CA10: variants seen among roughly 807,000 people sequenced by gnomAD.
The protein encoded by CA10 is carbonic anhydrase-related protein 10.
A neutral mutation model predicts 44.2 loss-of-function variants in CA10; 14 were observed. The observed-to-expected ratio is 0.32, with a 90% confidence interval of 0.21 to 0.50. The LOEUF (loss-of-function observed/expected upper bound fraction) is 0.50, where lower values mean the gene tolerates loss of function less well. CA10 is among the 20% of genes least tolerant of loss of function. The pLI, the probability that CA10 is intolerant of heterozygous loss-of-function variation, is 0.99. For missense variants in CA10, 350 were observed against 409.7 expected (o/e 0.85, Z 1.26); for synonymous variants, 159 against 141.6 (o/e 1.12, Z -0.87).
chr17:51,983,804 G>T (rs1269017789), intron 2 of CA10, among the ~76,000 whole-genome samples: 1 of 151,720 alleles, frequency 6.6e-6, no homozygotes, highest in East Asian at 1.9e-4. Flanking sequence ...ACACTGTCAT[G>T]ATTGGAGATA....
At chr17:51,641,161 TC>T (rs1442848279) in intron 6 of CA10, among the ~76,000 whole-genome samples, 13 of 22,922 alleles carry the variant, frequency 5.7e-4, no homozygotes, top group East Asian at 1.9e-3. Context: ...GCTCTCTCTC[TC>T]TCTCCTCTCT....
At chr17:51,898,243 A>G (rs543741545) in intron 3 of CA10, among the ~76,000 whole-genome samples, 2 of 151,698 alleles carry the variant, frequency 1.3e-5, no homozygotes, top group South Asian at 2.1e-4. Context: ...ATGTTTTCAC[A>G]GTGTCTGGTT....
At chr17:51,892,947 A>G (rs1204099679) in intron 3 of CA10, among the ~76,000 whole-genome samples, 1 of 152,192 alleles carries the variant, frequency 6.6e-6, no homozygotes, top group African/African-American at 2.4e-5. Context: ...AACTACTTGT[A>G]TTAGACACTA....
At chr17:51,818,962 A>G (rs768194174) in intron 3 of CA10, among the ~76,000 whole-genome samples, 2 of 152,212 alleles carry the variant, frequency 1.3e-5, no homozygotes, top group Non-Finnish European at 2.9e-5. Context: ...GCTGCCCAAC[A>G]TAAGGCTCCC....
intron 3 of CA10, among the ~76,000 whole-genome samples, chr17:51,766,560 T>TA (rs1905391175): frequency 6.6e-6 from 1 of 152,170 alleles, no homozygotes. Flanking sequence ...GTGGTTTCCT[T>TA]AGCTGACATT....
At chr17:52,073,274 G>C (rs1251201917) in intron 1 of CA10, among the ~76,000 whole-genome samples, 1 of 151,852 alleles carries the variant, frequency 6.6e-6, no homozygotes, top group African/African-American at 2.4e-5. Context: ...AAAGTTCTAG[G>C]GAAAAGACTC....
intron 3 of CA10, among the ~76,000 whole-genome samples, chr17:51,893,521 A>G (rs558636645): frequency 2.3e-4 from 35 of 152,296 alleles, no homozygotes; most frequent in African/African-American, 7.0e-4. Flanking sequence ...TTTCTGGTAA[A>G]GAATTTAGAA....
At chr17:51,692,276 A>T (rs1597988784) in intron 4 of CA10, among the ~76,000 whole-genome samples, 1 of 119,528 alleles carries the variant, frequency 8.4e-6, no homozygotes, top group African/African-American at 3.2e-5. Context: ...AATGGGATTG[A>T]TTTCTTGATT....
intron 1 of CA10, among the ~76,000 whole-genome samples, chr17:52,120,267 T>G (rs961894276): frequency 8.5e-5 from 13 of 152,156 alleles, no homozygotes; most frequent in Middle Eastern, 3.4e-3. Context: ...CTCCAAATAC[T>G]CCAAATAGTC....
intron 3 of CA10, among the ~76,000 whole-genome samples, chr17:51,853,654 G>T (rs1249856875): frequency 1.3e-5 from 2 of 152,254 alleles, no homozygotes; most frequent in Non-Finnish European, 2.9e-5. Context: ...ATATGGCTTG[G>T]CTCTGTGTCC....
At chr17:52,074,752 G>C (rs1342360867) in intron 1 of CA10, among the ~76,000 whole-genome samples, 1 of 151,976 alleles carries the variant, frequency 6.6e-6, no homozygotes, top group African/African-American at 2.4e-5. Flanking sequence ...ATTTCAATGT[G>C]AAAATGCTTG....
chr17:52,052,095 A>G (rs1197168372), intron 2 of CA10, among the ~76,000 whole-genome samples: 2 of 151,846 alleles, frequency 1.3e-5, no homozygotes, highest in African/African-American at 4.8e-5. Flanking sequence ...ACAGGGACAC[A>G]TAGAGGGTAA....
intron 2 of CA10, among the ~76,000 whole-genome samples, chr17:51,961,284 T>C (rs954452019): frequency 3.3e-5 from 5 of 151,980 alleles, no homozygotes; most frequent in Non-Finnish European, 5.9e-5. Context: ...CTGTAATGCA[T>C]TTAAAGCTTT....
chr17:51,727,566 C>T (rs190233359), intron 4 of CA10, among the ~76,000 whole-genome samples: 8 of 152,242 alleles, frequency 5.3e-5, no homozygotes, highest in Admixed American at 4.6e-4. Context: ...ACAGCTATGC[C>T]TCAGGAAGTG....
chr17:51,705,544 G>A (rs1245771063), intron 4 of CA10, among the ~76,000 whole-genome samples: 2 of 152,178 alleles, frequency 1.3e-5, no homozygotes, highest in African/African-American at 2.4e-5. Context: ...TATGGTGAGT[G>A]CCCTAGGCTG....
chr17:51,711,834 C>T (rs968314271), intron 4 of CA10, among the ~76,000 whole-genome samples: 1 of 152,108 alleles, frequency 6.6e-6, no homozygotes, highest in Non-Finnish European at 1.5e-5. Context: ...TGGGCTTCTG[C>T]TGGGGGTGAG....
chr17:51,693,067 C>G (rs1046240308), intron 4 of CA10, among the ~76,000 whole-genome samples: 3 of 152,148 alleles, frequency 2.0e-5, no homozygotes, highest in African/African-American at 7.2e-5. Flanking sequence ...CAGATTTTTA[C>G]TAGTTATAGC....
chr17:51,699,235 A>G (rs1915505835), intron 4 of CA10, among the ~76,000 whole-genome samples: 1 of 151,980 alleles, frequency 6.6e-6, no homozygotes, highest in African/African-American at 2.4e-5. Flanking sequence ...AGGCAGGAGA[A>G]TCGCTTGAAC....
At chr17:51,639,810 G>A (rs978480956) in intron 6 of CA10, among the ~76,000 whole-genome samples, 1 of 152,186 alleles carries the variant, frequency 6.6e-6, no homozygotes, top group Non-Finnish European at 1.5e-5. Context: ...CTCACTCTCC[G>A]TGTGTCCTTG....
Sources: allele counts gnomAD v4.1 joint callset (sites outside exome capture counted in the v4.1 genomes callset), GRCh38; gene constraint gnomAD v4.1.1; transcripts MANE v1.5; gene names NCBI Gene and HGNC (gene_info 2026-07-23, HGNC 2026-07-21).